Variants in KANK4 observed in about 807,000 individuals in gnomAD.
KANK4 encodes the protein KN motif and ankyrin repeat domains 4, also known as KN motif and ankyrin repeat domain-containing protein 4.
A neutral mutation model predicts 80.8 loss-of-function variants in KANK4; 50 were observed. The observed-to-expected ratio is 0.62, with a 90% confidence interval of 0.49 to 0.78. The LOEUF (loss-of-function observed/expected upper bound fraction) is 0.78. Among genes scored for constraint, KANK4 ranks in the 30% least tolerant of loss-of-function variants. The pLI, the probability that KANK4 is intolerant of heterozygous loss-of-function variation, is 0.00. For missense variants in KANK4, 1,196 were observed against 1,240.1 expected (o/e 0.96, Z 0.53); for synonymous variants, 465 against 506.9 (o/e 0.92, Z 1.11).
At chr1:62,283,118 A>G (rs1202588551) in intron 1 of KANK4, among the ~76,000 whole-genome samples, 1 of 152,212 alleles carries the variant, frequency 6.6e-6, no homozygotes, top group Admixed American at 6.5e-5. Flanking sequence ...TGCAGTCTGC[A>G]GCAGGCGATG....
At chr1:62,288,201 C>T (rs1167871448) in intron 1 of KANK4, among the ~76,000 whole-genome samples, 4 of 152,144 alleles carry the variant, frequency 2.6e-5, no homozygotes, top group Admixed American at 2.6e-4. Context: ...AAGAACTTTC[C>T]TGACAAGAAT....
intron 1 of KANK4, among the ~76,000 whole-genome samples, chr1:62,284,161 C>T (rs1320245094): frequency 1.3e-5 from 2 of 152,196 alleles, no homozygotes; most frequent in African/African-American, 4.8e-5. Flanking sequence ...GTCCTAGCAA[C>T]AGACATCGTG....
At chr1:62,262,174 A>C (rs1037002254) in intron 7 of KANK4, among the ~76,000 whole-genome samples, 10 of 152,232 alleles carry the variant, frequency 6.6e-5, no homozygotes, top group Admixed American at 2.0e-4. Flanking sequence ...CATTTTCCCT[A>C]GAGGCAGTAC....
intron 1 of KANK4, among the ~76,000 whole-genome samples, chr1:62,289,322 T>C (rs1203182080): frequency 1.1e-4 from 17 of 152,164 alleles, no homozygotes; most frequent in Non-Finnish European, 2.9e-5. Context: ...GAGCCAAGAT[T>C]TGAATCCATG....
chr1:62,283,619 A>T (rs1047516709), intron 1 of KANK4, among the ~76,000 whole-genome samples: 1 of 152,118 alleles, frequency 6.6e-6, no homozygotes, highest in African/African-American at 2.4e-5. Flanking sequence ...TAAACACAAA[A>T]AGCCTCTGGG....
chr1:62,244,711 T>C (rs1218293129), intron 9 of KANK4, among the ~76,000 whole-genome samples: 1 of 152,184 alleles, frequency 6.6e-6, no homozygotes, highest in Admixed American at 6.5e-5. Context: ...CTCGGGTATG[T>C]CTTTATCAGC....
intron 7 of KANK4, among the ~76,000 whole-genome samples, chr1:62,253,733 A>T (rs1384397795): frequency 6.6e-6 from 1 of 152,142 alleles, no homozygotes; most frequent in Non-Finnish European, 1.5e-5. Context: ...TTTCTTGACA[A>T]GTTTTCTGAG....
At chr1:62,242,361 C>CAAAAAAAAAA (rs57320794) in intron 9 of KANK4, among the ~76,000 whole-genome samples, 11 of 66,142 alleles carry the variant, frequency 1.7e-4, no homozygotes, top group African/African-American at 4.4e-4. Context: ...GACCATACCT[C>CAAAAAAAAAA]AAAAAAAAAA....
chr1:62,260,511 C>T lies in KANK4; in HGVS notation c.2539+2581G>A, dbSNP rs560544622. Among the ~76,000 whole-genome samples, 3 of 152,208 alleles carry T rather than the reference C, an allele frequency of 2.0e-5. No individual in the cohort carries two copies. The East Asian group carries it at 5.8e-4, about 29-fold the overall frequency. On this transcript the variant is annotated intron_variant, in intron 7 of 9. Transcript: ENST00000371153. ...TTCAGAGCTCCTCTCCCCAAACAAA[C>T]ACACAAAACCAACTCTCCGAAGGCT... is the stretch of plus-strand genomic sequence containing the variant.
At chr1:62,240,938 A>G (rs943095361) in intron 9 of KANK4, among the ~76,000 whole-genome samples, 1 of 152,074 alleles carries the variant, frequency 6.6e-6, no homozygotes, top group African/African-American at 2.4e-5. Context: ...TCCAAAAACC[A>G]CACTCTTTAG....
At chr1:62,249,342 A>G (rs7529326) in intron 8 of KANK4, among the ~76,000 whole-genome samples, 122,305 of 151,182 alleles carry the variant, frequency 0.81, 49,761 homozygotes, top group African/African-American at 0.88. Context: ...ATATGTGTGC[A>G]TGTTTGTGTG....
intron 1 of KANK4, among the ~76,000 whole-genome samples, chr1:62,300,327 C>A (rs116307158): frequency 0.011 from 1,651 of 152,228 alleles, 25 homozygotes; most frequent in Non-Finnish European, 0.018. Flanking sequence ...ATCAGAAATT[C>A]TTCTTCAGGC....
chr1:62,242,935 T>C (rs887443129), intron 9 of KANK4, among the ~76,000 whole-genome samples: 12 of 152,156 alleles, frequency 7.9e-5, no homozygotes, highest in Non-Finnish European at 1.3e-4. Flanking sequence ...ACCCTGTGGA[T>C]GGAGACACTG....
At chr1:62,269,950 G>A (rs11803521) in intron 4 of KANK4, among the ~76,000 whole-genome samples, 16,855 of 152,196 alleles carry the variant, frequency 0.11, 1,631 homozygotes, top group African/African-American at 0.26. Flanking sequence ...TCAGGGAAAG[G>A]ATTCAGACAC....
In KANK4 at chr1:62,319,238, G is replaced by T. The variant is rs1188463157; in HGVS notation, c.-203C>A. The T allele has an allele frequency of 6.6e-6, 1 of 151,958 alleles. No homozygotes were observed. The allele number at this position is 151,958 out of a possible 1,614,324, so 9.4% of individuals were successfully genotyped here. A position where few individuals can be genotyped will look rare whatever the true frequency, so the allele number is the denominator to read the frequency against. On this transcript the variant is annotated 5_prime_UTR_variant, in exon 1 of 10. Coordinates refer to ENST00000371153, the MANE Select transcript of KANK4 (RefSeq NM_181712.5). ...TCCGCGTCCCAGGCGCGCACCCCGGGGCTGGCGCACCCTGGTCGTCCGCGG... is the reference window on the plus strand; with the variant it reads ...TCCGCGTCCCAGGCGCGCACCCCGGTGCTGGCGCACCCTGGTCGTCCGCGG...
intron 9 of KANK4, among the ~76,000 whole-genome samples, chr1:62,239,382 T>C (rs989433917): frequency 5.9e-5 from 9 of 152,156 alleles, no homozygotes; most frequent in African/African-American, 2.2e-4. Context: ...ATTTACTAAT[T>C]TTTGCTAATT....
chr1:62,296,307 C>T (rs534995761), intron 1 of KANK4, among the ~76,000 whole-genome samples: 12 of 152,246 alleles, frequency 7.9e-5, no homozygotes, highest in African/African-American at 2.4e-4. Context: ...CCTGGTTCTT[C>T]ACTCCCTCAC....
intron 3 of KANK4, 39 bp downstream of exon 3, chr1:62,273,165 T>G (rs1672205275): frequency 7.4e-7 from 1 of 1,348,136 alleles, no homozygotes; most frequent in African/African-American, 1.5e-5. Context: ...GAAGGAGAAA[T>G]GGCTCCCTGT....
At position 62,273,814 on chromosome 1, in the gene KANK4, C is replaced by T. The variant is rs1213166880; in HGVS notation, c.1290G>A (p.Lys430=). Reference sequence around the variant, plus strand: ...TGCCTAGAAGGTTGACTTCAATGCCCTTATCACACGACTCCCTGGTCAAGA... The same window carrying T: ...TGCCTAGAAGGTTGACTTCAATGCCTTTATCACACGACTCCCTGGTCAAGA... ...HGLLTRESCD[K]GIEVNLLGSM... The change falls in exon 3 of 10, where the codon AAG becomes AAA. Residue 430 remains lysine (K), a synonymous_variant. Coordinates refer to ENST00000371153, the MANE Select transcript of KANK4 (RefSeq NM_181712.5). 6.2e-7 allele frequency: 1 copy of T among 1,614,168 alleles called. No individual in the cohort carries two copies. Among genetic ancestry groups the T allele is most frequent in the South Asian group, 1.1e-5 (1 of 91,070 alleles).
Sources: gnomAD v4.1 joint callset for allele counts (sites outside exome capture counted in the v4.1 genomes callset) on GRCh38, gnomAD v4.1.1 for gene constraint, MANE v1.5 for transcripts, NCBI Gene and HGNC (gene_info 2026-07-23, HGNC 2026-07-21) for gene names.